Variants in GPC5 observed in about 807,000 individuals in gnomAD.
GPC5 encodes the protein glypican-5.
GPC5 carries 47 observed loss-of-function variants against 53.9 expected under a neutral mutation model. The ratio of observed to expected loss-of-function variants is 0.87; its 90% CI spans 0.69 to 1.11. GPC5 has a LOEUF of 1.11. Among genes scored for constraint, GPC5 ranks in the 50% most tolerant of loss-of-function variants. GPC5 has a pLI of 0.00. For synonymous variants in GPC5, 286 were observed against 263.3 expected, an observed-to-expected ratio of 1.09 and a Z score of -0.84; for missense variants, 748 against 713.1, an observed-to-expected ratio of 1.05 and a Z score of -0.56.
At chr13:92,836,221 T>C (rs1469639536) in intron 7 of GPC5, among the ~76,000 whole-genome samples, 1 of 152,118 alleles carries the variant, frequency 6.6e-6, no homozygotes, top group East Asian at 1.9e-4. Context: ...TTATTCAATA[T>C]TGTCCTCTTA....
chr13:92,020,624 A>G (rs565310069), intron 6 of GPC5, among the ~76,000 whole-genome samples: 35 of 150,748 alleles, frequency 2.3e-4, no homozygotes, highest in Non-Finnish European at 4.7e-4. Context: ...GGCCATTTGT[A>G]TATTTTCTTT....
chr13:92,843,857 G>A (rs893238390), intron 7 of GPC5, among the ~76,000 whole-genome samples: 3 of 152,052 alleles, frequency 2.0e-5, no homozygotes, highest in African/African-American at 7.2e-5. Flanking sequence ...CATCTCTACA[G>A]AGTAACAGTG....
chr13:91,985,722 C>T (rs942896416), intron 6 of GPC5, among the ~76,000 whole-genome samples: 1 of 152,138 alleles, frequency 6.6e-6, no homozygotes, highest in Non-Finnish European at 1.5e-5. Context: ...CTTAACTTTA[C>T]TTTCTTATCC....
intron 7 of GPC5, among the ~76,000 whole-genome samples, chr13:92,640,999 T>G (rs1318055466): frequency 6.6e-6 from 1 of 151,180 alleles, no homozygotes; most frequent in Non-Finnish European, 1.5e-5. Context: ...AGGATGGGGG[T>G]GGCGAATACC....
chr13:92,282,225 C>G (rs1304098767), intron 7 of GPC5, among the ~76,000 whole-genome samples: 2 of 152,168 alleles, frequency 1.3e-5, no homozygotes, highest in Admixed American at 6.5e-5. Flanking sequence ...TGAACAAAGC[C>G]TCCAAGAAAT....
intron 6 of GPC5, among the ~76,000 whole-genome samples, chr13:92,038,584 G>A (rs1287833179): frequency 6.7e-6 from 1 of 149,616 alleles, no homozygotes; most frequent in African/African-American, 2.5e-5. Context: ...CTATAGTATA[G>A]ATCATGCTCA....
chr13:92,302,228 A>ATT (rs202184868), intron 7 of GPC5, among the ~76,000 whole-genome samples: 1,521 of 151,604 alleles, frequency 0.01, 26 homozygotes, highest in African/African-American at 0.035. Flanking sequence ...CTTAACAGTG[A>ATT]TTTTTTTTTC....
intron 6 of GPC5, among the ~76,000 whole-genome samples, chr13:91,956,151 C>A (rs1371290651): frequency 2.0e-5 from 3 of 151,974 alleles, no homozygotes; most frequent in South Asian, 2.1e-4. Context: ...ACAGGCCCAC[C>A]CAGTTCAGTT....
intron 7 of GPC5, among the ~76,000 whole-genome samples, chr13:92,855,577 T>A (rs1003017575): frequency 6.6e-6 from 1 of 151,906 alleles, no homozygotes; most frequent in South Asian, 2.1e-4. Flanking sequence ...CTGGGTTGAG[T>A]TTCCTGCATT....
intron 6 of GPC5, among the ~76,000 whole-genome samples, chr13:92,092,060 A>G (rs1219553322): frequency 2.6e-5 from 4 of 152,182 alleles, no homozygotes; most frequent in African/African-American, 9.7e-5. Context: ...GCTATTGTCT[A>G]TGCATTAGCC....
chr13:91,550,361 T>C (rs759750014), intron 2 of GPC5, among the ~76,000 whole-genome samples: 10 of 152,114 alleles, frequency 6.6e-5, no homozygotes, highest in East Asian at 1.9e-4. Context: ...CTATGTACTT[T>C]GGGTAATTAT....
At chr13:92,557,726 C>T (rs1374844664) in intron 7 of GPC5, among the ~76,000 whole-genome samples, 3 of 151,848 alleles carry the variant, frequency 2.0e-5, no homozygotes, top group African/African-American at 7.3e-5. Flanking sequence ...TTCTGAATGC[C>T]TACTTCCACT....
Position 92,799,386 on chromosome 13 carries a change from G to A in GPC5, c.1562-66896G>A, listed in dbSNP as rs887609162. Among the ~76,000 whole-genome samples the A allele has an allele frequency of 4.0e-5, 6 of 151,784 alleles. No individual in the cohort carries two copies. The East Asian group carries it at 9.7e-4, about 25-fold the overall frequency. ...AATTATTTAATGCCTGCATAATTTAGATATTGTTCTTTACTCATTACCATA... is the reference window on the plus strand; with the variant it reads ...AATTATTTAATGCCTGCATAATTTAAATATTGTTCTTTACTCATTACCATA... On this transcript the variant is annotated intron_variant, in intron 7 of 7. Coordinates refer to ENST00000377067, the MANE Select transcript of GPC5 (RefSeq NM_004466.6).
At chr13:91,910,734 A>C (rs190827309) in intron 6 of GPC5, among the ~76,000 whole-genome samples, 2 of 152,320 alleles carry the variant, frequency 1.3e-5, no homozygotes, top group African/African-American at 4.8e-5. Context: ...TAATGTTTTA[A>C]TAATTCATTC....
At position 91,776,588 on chromosome 13, in the gene GPC5, C is replaced by T. The variant is rs186942451; in HGVS notation, c.1280+20168C>T. Among the ~76,000 whole-genome samples the T allele has an allele frequency of 5.9e-5, 9 of 152,302 alleles. No individual in the cohort carries two copies. The East Asian group carries it at 9.6e-4, about 16-fold the overall frequency. On this transcript the variant is annotated intron_variant, in intron 5 of 7. Coordinates refer to ENST00000377067, the MANE Select transcript of GPC5 (RefSeq NM_004466.6). ...TTGGAGACATTATTTCAGGAACTCA[C>T]GATCCTATCAGCAGCAACTCGCAGA...
At chr13:92,303,882 A>C (rs140394469) in intron 7 of GPC5, among the ~76,000 whole-genome samples, 161 of 152,336 alleles carry the variant, frequency 1.1e-3, no homozygotes, top group African/African-American at 3.7e-3. Flanking sequence ...TTTCCAGCAT[A>C]AGTTTATAAG....
intron 5 of GPC5, among the ~76,000 whole-genome samples, chr13:91,785,018 T>C (rs190894938): frequency 6.6e-6 from 1 of 152,172 alleles, no homozygotes; most frequent in South Asian, 2.1e-4. Flanking sequence ...ACTTTATTTT[T>C]CCCCGTTGTT....
At chr13:91,755,747 TATTTAGTAAAGAC>T (rs1187410115) in intron 4 of GPC5, among the ~76,000 whole-genome samples, 4 of 152,102 alleles carry the variant, frequency 2.6e-5, no homozygotes, top group African/African-American at 9.7e-5. Flanking sequence ...TTTTGGGTCA[TATTTAGTAAAGAC>T]ATTACTTTAT....
intron 7 of GPC5, among the ~76,000 whole-genome samples, chr13:92,694,349 C>T (rs953942910): frequency 1.1e-4 from 17 of 152,142 alleles, no homozygotes; most frequent in African/African-American, 3.9e-4. Flanking sequence ...TGCACATGCA[C>T]CTGGAAAAGC....
Sources: allele counts gnomAD v4.1 joint callset (sites outside exome capture counted in the v4.1 genomes callset), GRCh38; gene constraint gnomAD v4.1.1; transcripts MANE v1.5; gene names NCBI Gene and HGNC (gene_info 2026-07-23, HGNC 2026-07-21).